Variants in CTTN observed in about 807,000 individuals in gnomAD.
The protein encoded by CTTN is cortactin.
In CTTN, 28 loss-of-function variants were observed where a neutral mutation model predicts 84.0. The observed-to-expected ratio is 0.33, with a 90% confidence interval of 0.25 to 0.46. CTTN has a LOEUF of 0.46. Ranked by LOEUF, CTTN falls within the 20% of genes least tolerant of loss-of-function variation. The pLI is 1.00. For missense variants in CTTN, 641 were observed against 723.8 expected (o/e 0.89, Z 1.31); for synonymous variants, 301 against 288.8 (o/e 1.04, Z -0.43).
intron 2 of CTTN, 59 bp from the exon 3 acceptor site, chr11:70,407,239 G>A: frequency 6.9e-7 from 1 of 1,441,318 alleles, no homozygotes; most frequent in Non-Finnish European, 9.5e-7. Flanking sequence ...GGGCTCATCT[G>A]CTGGCCTCTG....
intron 5 of CTTN, among the ~76,000 whole-genome samples, chr11:70,412,338 A>G (rs2058104128): frequency 6.6e-6 from 1 of 152,222 alleles, no homozygotes; most frequent in African/African-American, 2.4e-5. Context: ...TGGGAGGATC[A>G]CCTGAACCTG....
intron 1 of CTTN, among the ~76,000 whole-genome samples, chr11:70,402,718 T>C (rs1022150274): frequency 1.3e-5 from 2 of 152,242 alleles, no homozygotes; most frequent in Admixed American, 6.5e-5. Flanking sequence ...CCACATGTTA[T>C]GTATCTATCA....
At chr11:70,426,024 G>T (rs1334560989) in intron 13 of CTTN, among the ~76,000 whole-genome samples, 2 of 152,212 alleles carry the variant, frequency 1.3e-5, no homozygotes, top group African/African-American at 4.8e-5. Flanking sequence ...AGTTCTCAGA[G>T]ATTGAGGGCC....
intron 9 of CTTN, chr11:70,420,109 G>T (rs1386654472): frequency 1.2e-5 from 7 of 596,866 alleles, no homozygotes; most frequent in Admixed American, 3.1e-5. Context: ...CGTCTGTGTT[G>T]CCCGTGTGAG....
chr11:70,401,465 G>A (rs1371266734), intron 1 of CTTN, among the ~76,000 whole-genome samples: 1 of 151,982 alleles, frequency 6.6e-6, no homozygotes, highest in Non-Finnish European at 1.5e-5. Context: ...AAAAGACTGA[G>A]ACTCCATCTC....
chr11:70,427,614 G>T (rs961023523), intron 13 of CTTN, among the ~76,000 whole-genome samples: 2 of 152,358 alleles, frequency 1.3e-5, no homozygotes, highest in African/African-American at 4.8e-5. Context: ...CCGCCCAAGC[G>T]TGCCAGGCAG....
chr11:70,433,732 A>G lies in CTTN; in HGVS notation c.1516+14A>G. 6.2e-7 allele frequency: 1 copy of G among 1,603,648 alleles called. No homozygotes were observed. The highest frequency in any genetic ancestry group is 8.5e-7 in the Non-Finnish European group (1 of 1,170,508). On this transcript the variant is annotated intron_variant, in intron 17 of 17. Transcript: ENST00000301843. Reference sequence around the variant, plus strand: ...ACTACCAGGCTGGTGAGCGGCCTGCAAAAGCACTTGGAGGGGAGACCCAGG... The same window carrying G: ...ACTACCAGGCTGGTGAGCGGCCTGCGAAAGCACTTGGAGGGGAGACCCAGG...
In CTTN at chr11:70,431,266, A is replaced by T. The variant is rs1225857219; in HGVS notation, c.1252A>T (p.Ser418Cys). 4 of 1,614,076 alleles carry T rather than the reference A, an allele frequency of 2.5e-6. No homozygotes were observed. The highest frequency in any genetic ancestry group is 2.5e-6 in the Non-Finnish European group (3 of 1,180,008). The change falls in exon 15 of 18, where the codon AGC (serine) becomes TGC (cysteine). Residue 418 changes from serine (S) to cysteine (C), a missense_variant. Ser to Cys is a moderately radical substitution (Grantham distance 112). Around this residue, in one of 3 missense-constraint regions of CTTN, gnomAD observed 289 missense variants for 273.1 expected, o/e 1.06. Coordinates refer to ENST00000301843, the MANE Select transcript of CTTN (RefSeq NM_005231.4). ...PQPTEERLPS[S>C]PVYEDAASFK... ...GCCAACCGAGGAGAGGCTGCCCTCGAGCCCCGTCTATGAGGTTGGTGTCTT... is the reference window on the plus strand; with the variant it reads ...GCCAACCGAGGAGAGGCTGCCCTCGTGCCCCGTCTATGAGGTTGGTGTCTT...
At position 70,436,429 on chromosome 11, in the gene CTTN, G is replaced by A. The variant is rs953229480; in HGVS notation, c.*1267G>A. Reference sequence around the variant, plus strand: ...CGTGAAGCGTGTTTTTGCTCCTGAGGTGCATTTTCTCATCATCCTTGCTTT... The same window carrying A: ...CGTGAAGCGTGTTTTTGCTCCTGAGATGCATTTTCTCATCATCCTTGCTTT... On this transcript the variant is annotated 3_prime_UTR_variant, in exon 18 of 18. Coordinates refer to ENST00000301843, the MANE Select transcript of CTTN (RefSeq NM_005231.4). 26 of 1,595,384 alleles carry A rather than the reference G, an allele frequency of 1.6e-5. No homozygotes were observed. Among genetic ancestry groups the A allele is most frequent in the East Asian group, 4.5e-5 (2 of 44,854 alleles).
intron 8 of CTTN, among the ~76,000 whole-genome samples, chr11:70,419,084 C>CT (rs1298027505): frequency 3.4e-5 from 5 of 145,670 alleles, no homozygotes; most frequent in Admixed American, 2.7e-4. Flanking sequence ...CTCTGCTGTA[C>CT]TTTAAAAAAA....
intron 13 of CTTN, among the ~76,000 whole-genome samples, chr11:70,426,070 C>G (rs1435726275): frequency 7.2e-5 from 11 of 152,104 alleles, no homozygotes; most frequent in Admixed American, 7.2e-4. Flanking sequence ...TCGTGAGAAC[C>G]CCCAAGATGT....
At chr11:70,410,030 G>T (rs370606025) in intron 5 of CTTN, 70 bp downstream of exon 5, 31 of 1,547,584 alleles carry the variant, frequency 2.0e-5, no homozygotes, top group Non-Finnish European at 1.9e-5. Flanking sequence ...TGGCAGAGTC[G>T]TCCCTCAGTC....
At chr11:70,399,118 G>A (rs1410097747) in intron 1 of CTTN, among the ~76,000 whole-genome samples, 3 of 150,048 alleles carry the variant, frequency 2.0e-5, no homozygotes, top group Non-Finnish European at 3.0e-5. Context: ...CGGGGTTCGA[G>A]GGGCCAAGGA....
chr11:70,398,722 C>G (rs545301862), intron 1 of CTTN, 108 bp downstream of exon 1: 1 of 152,148 alleles, frequency 6.6e-6, no homozygotes, highest in South Asian at 2.1e-4. Context: ...GCAGCGGTCT[C>G]ACCGCTCTTC....
At chr11:70,414,867 G>T (rs979239241) in intron 6 of CTTN, among the ~76,000 whole-genome samples, 6 of 152,154 alleles carry the variant, frequency 3.9e-5, no homozygotes, top group Non-Finnish European at 8.8e-5. Context: ...AGTCCCTGCG[G>T]TCGCTCTTCA....
intron 1 of CTTN, among the ~76,000 whole-genome samples, chr11:70,399,826 T>C (rs1313580648): frequency 6.6e-6 from 1 of 152,190 alleles, no homozygotes; most frequent in East Asian, 1.9e-4. Flanking sequence ...GGGCTCAGTG[T>C]TGACTTGGCT....
At chr11:70,398,999 C>T (rs2135539148) in intron 1 of CTTN, among the ~76,000 whole-genome samples, 1 of 123,980 alleles carries the variant, frequency 8.1e-6, no homozygotes, top group African/African-American at 3.1e-5. Context: ...TGGGAGGGGT[C>T]TTGGGTCCGA....
At position 70,435,250 on chromosome 11, in the gene CTTN, T is replaced by G; in HGVS notation, c.*88T>G. The G allele has an allele frequency of 7.3e-7, 1 of 1,371,740 alleles. No homozygotes were observed. The highest frequency in any genetic ancestry group is 9.3e-7 in the Non-Finnish European group (1 of 1,071,214). 85.0% of individuals were successfully genotyped at this position (1,371,740 alleles called of 1,614,324 possible). A position where few individuals can be genotyped will look rare whatever the true frequency, so the allele number is the denominator to read the frequency against. On this transcript the variant is annotated 3_prime_UTR_variant, in exon 18 of 18. Coordinates refer to ENST00000301843, the MANE Select transcript of CTTN (RefSeq NM_005231.4). ...GGTTCTTGGGTGGTTTTGGGTTTTT[T>G]CTGTTTTTTTTTTTTTTTTTTTTTT...
intron 13 of CTTN, 76 bp from the exon 14 acceptor site, chr11:70,428,975 G>A (rs2058326464): frequency 5.8e-6 from 9 of 1,564,626 alleles, no homozygotes; most frequent in Non-Finnish European, 7.0e-6. Context: ...AGGTCACTCT[G>A]TGTGGGTGGG....
Sources: gnomAD v4.1 joint callset for allele counts (sites outside exome capture counted in the v4.1 genomes callset) on GRCh38, gnomAD v4.1.1 for gene constraint, gnomAD v4.1.1 regional missense constraint, MANE v1.5 for transcripts, NCBI Gene and HGNC (gene_info 2026-07-23, HGNC 2026-07-21) for gene names.